The following LSM4 variants were observed in gnomAD, a reference collection of about 807,000 sequenced individuals.
LSM4 encodes the protein U6 snRNA-associated Sm-like protein LSm4.
In LSM4, 15 loss-of-function variants were observed where a neutral mutation model predicts 22.3. The observed-to-expected ratio is 0.67, with a 90% CI of 0.45 to 1.03. The LOEUF (loss-of-function observed/expected upper bound fraction) is 1.03. Among genes scored for constraint, LSM4 ranks in the 50% least tolerant of loss-of-function variants. LSM4 has a pLI of 0.00. For missense variants in LSM4, 127 were observed against 198.0 expected, an observed-to-expected ratio of 0.64 and a Z score of 2.15; for synonymous variants, 90 against 79.8, an observed-to-expected ratio of 1.13 and a Z score of -0.68.
chr19:18,309,723 G>C lies in LSM4; in HGVS notation c.283C>G (p.Gln95Glu). ...CCGCGGCCTTTCTGCTGCTTCTGCT[G>C]CTGCAGGCCTCCGCGGCCGCGGCCC... ...AKGRGRGGLQ[Q>E]QKQQKGRGMG... Residue 95 changes from glutamine to glutamate, a missense_variant, in exon 4 of 5, where the codon CAG becomes GAG. Physicochemically the swap from Gln to Glu is conservative, Grantham distance 29 (BLOSUM62 2). Coordinates refer to ENST00000593829, the MANE Select transcript of LSM4 (RefSeq NM_012321.5). 1.2e-6 allele frequency: 2 copies of C among 1,612,064 alleles called. No individual in the cohort carries two copies. The highest frequency in any genetic ancestry group is 1.7e-6 in the Non-Finnish European group (2 of 1,179,276).
At chr19:18,309,889 C>T (rs769318743) in intron 3 of LSM4, 28 bp from the exon 4 acceptor site, 1 of 1,608,274 alleles carries the variant, frequency 6.2e-7, no homozygotes, top group Non-Finnish European at 8.5e-7. Flanking sequence ...AGGTTATTAA[C>T]TTACCACCGG....
At chr19:18,313,381 C>T (rs1397011505) in intron 2 of LSM4, among the ~76,000 whole-genome samples, 2 of 152,174 alleles carry the variant, frequency 1.3e-5, no homozygotes, top group Non-Finnish European at 2.9e-5. Flanking sequence ...CCCCACAACA[C>T]CAGATATTTG....
chr19:18,309,965 C>T, intron 3 of LSM4, 104 bp from the exon 4 acceptor site: 2 of 1,090,450 alleles, frequency 1.8e-6, no homozygotes, highest in Non-Finnish European at 2.7e-6. Context: ...CACCCCGTAC[C>T]ACCCCTGCAA....
chr19:18,315,205 T>C (rs1447070757), intron 2 of LSM4, among the ~76,000 whole-genome samples: 3 of 151,760 alleles, frequency 2.0e-5, no homozygotes, highest in Non-Finnish European at 2.9e-5. Flanking sequence ...GAGACAGGGT[T>C]TCACTGTCAC....
In LSM4 at chr19:18,315,452, G is replaced by A. The variant is rs186703127; in HGVS notation, c.45+572C>T. ...AGGCCTGAGCCACCATGCCCAACCT[G>A]AAGTTCTTTTTATTTTTTTAAGTGA... is the stretch of plus-strand genomic sequence containing the variant. On this transcript the variant is annotated intron_variant, in intron 2 of 4. Coordinates refer to ENST00000593829, the MANE Select transcript of LSM4 (RefSeq NM_012321.5). 2.6e-4 allele frequency among the ~76,000 whole-genome samples: 39 copies of A among 151,804 alleles called. 1 individual carries two copies. The highest frequency in any genetic ancestry group is 8.8e-5 in the Non-Finnish European group (6 of 67,882).
intron 1 of LSM4, 182 bp from the exon 2 acceptor site, chr19:18,316,247 TG>T (rs1970355668): frequency 1.9e-6 from 1 of 515,282 alleles, no homozygotes; most frequent in African/African-American, 2.0e-5. Context: ...AACACACACC[TG>T]CCTCTCAGAT....
At chr19:18,321,971 G>A (rs1970429444) in intron 1 of LSM4, among the ~76,000 whole-genome samples, 1 of 152,166 alleles carries the variant, frequency 6.6e-6, no homozygotes, top group South Asian at 2.1e-4. Context: ...ACTGATTTGA[G>A]CAATAATAAA....
At chr19:18,313,826 ATTTTC>A (rs772986614) in intron 2 of LSM4, among the ~76,000 whole-genome samples, 3 of 151,742 alleles carry the variant, frequency 2.0e-5, no homozygotes, top group Non-Finnish European at 2.9e-5. Flanking sequence ...CAAGCCTGAG[ATTTTC>A]TTTTGAGATG....
chr19:18,316,262 G>A (rs906985733), intron 1 of LSM4, 197 bp from the exon 2 acceptor site: 7 of 500,330 alleles, frequency 1.4e-5, no homozygotes, highest in African/African-American at 9.9e-5. Flanking sequence ...CTCAGATTAG[G>A]AAGAAAAGCC....
chr19:18,317,806 T>C (rs1970375302), intron 1 of LSM4, among the ~76,000 whole-genome samples: 1 of 152,244 alleles, frequency 6.6e-6, no homozygotes, highest in Non-Finnish European at 1.5e-5. Context: ...GCTGGAATTA[T>C]AGGTATGCAC....
At chr19:18,311,027 C>T (rs1362547143) in intron 3 of LSM4, among the ~76,000 whole-genome samples, 1 of 152,204 alleles carries the variant, frequency 6.6e-6, no homozygotes, top group Non-Finnish European at 1.5e-5. Flanking sequence ...GTAGGTGTGG[C>T]CTGGCCTAGC....
At chr19:18,313,078 G>C (rs918528650) in intron 2 of LSM4, among the ~76,000 whole-genome samples, 3 of 152,140 alleles carry the variant, frequency 2.0e-5, no homozygotes, top group African/African-American at 4.8e-5. Context: ...AATTAGCTGG[G>C]CATGGTGGTG....
At chr19:18,317,717 G>A (rs919000351) in intron 1 of LSM4, among the ~76,000 whole-genome samples, 3 of 151,434 alleles carry the variant, frequency 2.0e-5, no homozygotes, top group African/African-American at 4.9e-5. Context: ...TTTTGATGGT[G>A]ACAGGCTTTT....
At chr19:18,314,197 G>C (rs1970327645) in intron 2 of LSM4, among the ~76,000 whole-genome samples, 1 of 152,120 alleles carries the variant, frequency 6.6e-6, no homozygotes, top group Non-Finnish European at 1.5e-5. Context: ...AGCCAAAAAG[G>C]GGAAAGAGCC....
chr19:18,322,084 A>G (rs1254796349), intron 1 of LSM4, among the ~76,000 whole-genome samples: 1 of 152,166 alleles, frequency 6.6e-6, no homozygotes, highest in East Asian at 1.9e-4. Context: ...AGGTGAACCC[A>G]TTGGGTGGTT....
intron 4 of LSM4, among the ~76,000 whole-genome samples, chr19:18,307,946 G>A (rs1307376109): frequency 6.6e-6 from 1 of 151,510 alleles, no homozygotes; most frequent in Non-Finnish European, 1.5e-5. Flanking sequence ...GGGCTCCCTG[G>A]CGGGGGGGGG....
intron 2 of LSM4, 48 bp from the exon 3 acceptor site, chr19:18,312,750 G>T: frequency 3.6e-6 from 5 of 1,403,242 alleles, no homozygotes; most frequent in Non-Finnish European, 5.1e-6. Flanking sequence ...GGAGCCCTGC[G>T]CCATGGGCCC....
chr19:18,306,294 G>C lies in LSM4; in HGVS notation c.*1170C>G, dbSNP rs189310742. 2.6e-5 allele frequency: 4 copies of C among 152,314 alleles called. No homozygotes were observed. In the East Asian group the frequency reaches 7.7e-4, roughly 29 times the overall value. The allele number at this position is 152,314 out of a possible 1,614,324, so 9.4% of individuals were successfully genotyped here. On this transcript the variant is annotated 3_prime_UTR_variant, in exon 5 of 5. Transcript: ENST00000593829. The stretch of plus-strand genomic sequence containing the variant: ...CTCTCAAAATAGGTCTCCGAACGAG[G>C]ACCCTGAAGAGAAGGCTATGCAGGG...
Position 18,306,805 on chromosome 19 carries a change from G to T in LSM4, c.*659C>A, listed in dbSNP as rs1156985316. ...TGACACCTGGTGAGAACTCTCAAAA[G>T]GAAGCTTCCCTTACGGGAACGGGGA... On this transcript the variant is annotated 3_prime_UTR_variant, in exon 5 of 5. Coordinates refer to ENST00000593829, the MANE Select transcript of LSM4 (RefSeq NM_012321.5). 1 of 152,270 alleles carries T rather than the reference G, an allele frequency of 6.6e-6. No individual in the cohort carries two copies. The highest frequency in any genetic ancestry group is 2.4e-5 in the African/African-American group (1 of 41,472). The allele number at this position is 152,270 out of a possible 1,614,324, so 9.4% of individuals were successfully genotyped here.
Sources: gnomAD v4.1 joint callset for allele counts (sites outside exome capture counted in the v4.1 genomes callset) on GRCh38, gnomAD v4.1.1 for gene constraint, MANE v1.5 for transcripts, NCBI Gene and HGNC (gene_info 2026-07-23, HGNC 2026-07-21) for gene names.